The following LCORL variants were observed in gnomAD, a reference collection of about 807,000 sequenced individuals.
LCORL encodes ligand dependent nuclear receptor corepressor like.
Under a neutral mutation model 141.8 loss-of-function variants are expected in LCORL, and 41 were observed. That is an observed-to-expected ratio of 0.29 (90% CI 0.23 to 0.38). The LOEUF (loss-of-function observed/expected upper bound fraction) is 0.38. LCORL is among the 10% of genes least tolerant of loss of function. LCORL has a pLI of 1.00. For synonymous variants in LCORL, 618 were observed against 694.1 expected, an observed-to-expected ratio of 0.89 and a Z score of 1.72; for missense variants, 1,759 against 2,035.0, an observed-to-expected ratio of 0.86 and a Z score of 2.61.
intron 7 of LCORL, among the ~76,000 whole-genome samples, chr4:17,855,822 T>C (rs779395803): frequency 2.0e-5 from 3 of 152,176 alleles, no homozygotes; most frequent in Admixed American, 1.3e-4. Context: ...CACAGACTCA[T>C]GAATGAAATA....
chr4:17,923,032 C>T (rs1232645294), intron 4 of LCORL, among the ~76,000 whole-genome samples: 2 of 152,296 alleles, frequency 1.3e-5, no homozygotes, highest in East Asian at 1.9e-4. Flanking sequence ...CCCAACACCC[C>T]TGTTTGCTTC....
chr4:17,953,826 T>G (rs763591544), intron 4 of LCORL, among the ~76,000 whole-genome samples: 2 of 152,086 alleles, frequency 1.3e-5, no homozygotes, highest in African/African-American at 4.8e-5. Context: ...ATTCCAGAAG[T>G]GGCAGATAAA....
chr4:17,938,413 CTTTCTTTTTTTT>C (rs1035656328), intron 4 of LCORL, among the ~76,000 whole-genome samples: 7 of 133,474 alleles, frequency 5.2e-5, no homozygotes, highest in Non-Finnish European at 1.1e-4. Context: ...GTAACTGTTT[CTTTCTTTTTTTT>C]TTTTTTTTGA....
At chr4:17,992,728 T>C (rs1389415374) in intron 1 of LCORL, among the ~76,000 whole-genome samples, 1 of 152,234 alleles carries the variant, frequency 6.6e-6, no homozygotes, top group Non-Finnish European at 1.5e-5. Context: ...ACTTAACTAG[T>C]GAAGTGCTTC....
chr4:17,999,281 G>A (rs1021170823), intron 1 of LCORL, among the ~76,000 whole-genome samples: 2 of 151,634 alleles, frequency 1.3e-5, no homozygotes, highest in Non-Finnish European at 2.9e-5. Context: ...GTGAAACCCC[G>A]TCTCTACTAA....
At chr4:17,918,057 T>TA in intron 4 of LCORL, among the ~76,000 whole-genome samples, 1 of 152,350 alleles carries the variant, frequency 6.6e-6, no homozygotes, top group East Asian at 1.9e-4. Flanking sequence ...CTGAGAGTCT[T>TA]ACGATTGTAG....
intron 4 of LCORL, among the ~76,000 whole-genome samples, chr4:17,941,115 G>A (rs571433152): frequency 2.0e-5 from 3 of 152,178 alleles, no homozygotes; most frequent in South Asian, 2.1e-4. Flanking sequence ...TGTGGCTCAC[G>A]CCTGTAATGC....
chr4:17,986,973 T>C (rs1719087481), intron 1 of LCORL, among the ~76,000 whole-genome samples: 1 of 152,158 alleles, frequency 6.6e-6, no homozygotes, highest in Admixed American at 6.6e-5. Context: ...TGTTTTATGC[T>C]TTGTATATTT....
At chr4:17,968,899 C>T (rs1040526758) in intron 2 of LCORL, among the ~76,000 whole-genome samples, 8 of 152,188 alleles carry the variant, frequency 5.3e-5, no homozygotes, top group African/African-American at 1.9e-4. Context: ...ACTTGCAAAT[C>T]TCTGATACAA....
In LCORL at chr4:17,882,764, A is replaced by G. The variant is rs1727745999; in HGVS notation, c.776+3304T>C. ...TTTTTCAATAGTAGGAGTGTGTCAC[A>G]ATCCTTAAAATTTAAAGTAGTCATA... On this transcript the variant is annotated intron_variant, in intron 6 of 7. Transcript: ENST00000635767. 1.1e-5 allele frequency: 11 copies of G among 984,568 alleles called. No homozygotes were observed. The South Asian group carries it at 3.8e-4, about 34-fold the overall frequency. 61.0% of individuals were successfully genotyped at this position (984,568 alleles called of 1,614,324 possible). A position where few individuals can be genotyped will look rare whatever the true frequency, so the allele number is the denominator to read the frequency against.
chr4:17,949,728 TA>T (rs1451428498), intron 4 of LCORL, among the ~76,000 whole-genome samples: 1 of 152,160 alleles, frequency 6.6e-6, no homozygotes, highest in Non-Finnish European at 1.5e-5. Flanking sequence ...AATTCTGTTA[TA>T]ACAAACAATC....
intron 5 of LCORL, among the ~76,000 whole-genome samples, chr4:17,903,400 T>C (rs1301890843): frequency 6.6e-6 from 1 of 152,052 alleles, no homozygotes; most frequent in Admixed American, 6.6e-5. Flanking sequence ...TGCTTCATAG[T>C]TGTTACAGTA....
intron 5 of LCORL, among the ~76,000 whole-genome samples, chr4:17,892,219 T>G (rs528927865): frequency 6.7e-6 from 1 of 149,134 alleles, no homozygotes; most frequent in South Asian, 2.1e-4. Flanking sequence ...CTTTTTTTTT[T>G]TTTTTTTGAG....
chr4:17,936,360 G>GAAAA lies in LCORL; in HGVS notation c.430+25539_430+25542dup, dbSNP rs10646952. ...ATAAAATCTAATCCAGTCTCATAAT[G>GAAAA]AAAAAAAAAAAAAAAAAGAAACAAA... On this transcript the variant is annotated intron_variant, in intron 4 of 7. Transcript: ENST00000635767. Among the ~76,000 whole-genome samples the GAAAA allele has an allele frequency of 1.3e-4, 13 of 96,444 alleles. No individual in the cohort carries two copies. The East Asian group carries it at 1.6e-3, about 12-fold the overall frequency. 63.3% of individuals were successfully genotyped at this position (96,444 alleles called of 152,430 possible).
intron 6 of LCORL, chr4:17,883,873 C>T (rs1367913028): frequency 6.5e-7 from 1 of 1,550,328 alleles, no homozygotes; most frequent in African/African-American, 1.4e-5. Context: ...TGTGAGGTAC[C>T]CCATAAATTC....
At position 17,897,213 on chromosome 4, in the gene LCORL, C is replaced by CCTTTGT. The variant is rs1553863446; in HGVS notation, c.683-11053_683-11052insACAAAG. On this transcript the variant is annotated intron_variant, in intron 5 of 7. Transcript: ENST00000635767. ...AGACTTCTCTTTGATATACTGATTT[C>CCTTTGT]TTTTTTTTTTTTTTTTTTTTTTTTT... Among the ~76,000 whole-genome samples, 4 of 63,996 alleles carry CCTTTGT rather than the reference C, an allele frequency of 6.3e-5. 1 individual carries two copies. Among genetic ancestry groups the CCTTTGT allele is most frequent in the Admixed American group, 5.0e-4 (2 of 4,014 alleles). The allele number at this position is 63,996 out of a possible 152,430, so 42.0% of individuals were successfully genotyped here.
At chr4:17,862,528 A>G (rs1725133730) in intron 7 of LCORL, among the ~76,000 whole-genome samples, 1 of 152,232 alleles carries the variant, frequency 6.6e-6, no homozygotes, top group Non-Finnish European at 1.5e-5. Context: ...AAGCAGACAC[A>G]TAGACCAATG....
intron 1 of LCORL, among the ~76,000 whole-genome samples, chr4:18,003,530 A>T (rs1722313880): frequency 6.6e-6 from 1 of 152,190 alleles, no homozygotes; most frequent in Admixed American, 6.5e-5. Flanking sequence ...GTTACATATT[A>T]GGTTGGTGCA....
chr4:17,976,050 C>T (rs888195527), intron 1 of LCORL, among the ~76,000 whole-genome samples: 1 of 152,194 alleles, frequency 6.6e-6, no homozygotes, highest in African/African-American at 2.4e-5. Context: ...TGTCCTTGTT[C>T]TATTGTGTCT....
Sources: gnomAD v4.1 joint callset for allele counts (sites outside exome capture counted in the v4.1 genomes callset) on GRCh38, gnomAD v4.1.1 for gene constraint, MANE v1.5 for transcripts, NCBI Gene and HGNC (gene_info 2026-07-23, HGNC 2026-07-21) for gene names.